RFC3: variants seen among roughly 807,000 people sequenced by gnomAD.
RFC3 encodes replication factor C subunit 3.
In RFC3, 41 loss-of-function variants were observed where a neutral mutation model predicts 45.1. The ratio of observed to expected loss-of-function variants is 0.91; its 90% CI spans 0.71 to 1.18. The LOEUF is 1.18. Ranked by LOEUF, RFC3 falls within the 50% of genes most tolerant of loss-of-function variation. RFC3 has a pLI of 0.00. For synonymous variants in RFC3, 149 were observed against 144.0 expected (o/e 1.03, Z -0.25); for missense variants, 423 against 428.1 (o/e 0.99, Z 0.10).
intron 8 of RFC3, among the ~76,000 whole-genome samples, chr13:33,874,582 G>T (rs571408954): frequency 2.6e-5 from 4 of 152,230 alleles, no homozygotes; most frequent in Admixed American, 2.6e-4. Flanking sequence ...GCCTCCCAAA[G>T]TTGTGGGATT....
intron 8 of RFC3, among the ~76,000 whole-genome samples, chr13:33,947,467 A>G (rs1047028680): frequency 5.9e-5 from 9 of 152,182 alleles, no homozygotes; most frequent in Non-Finnish European, 8.8e-5. Flanking sequence ...GAATGGACTA[A>G]TACAGTAAAT....
downstream of RFC3, among the ~76,000 whole-genome samples, chr13:33,968,761 A>G (rs12875223): frequency 0.14 from 21,840 of 152,096 alleles, 1,732 homozygotes; most frequent in East Asian, 0.23. Context: ...ATTCAGTGCA[A>G]CCCTTTCAGA....
intron 8 of RFC3, among the ~76,000 whole-genome samples, chr13:33,946,270 A>G (rs2082953956): frequency 1.3e-5 from 2 of 152,290 alleles, no homozygotes; most frequent in South Asian, 2.1e-4. Context: ...CTGTGATCCA[A>G]ACCAGCTCAA....
downstream of RFC3, among the ~76,000 whole-genome samples, chr13:33,838,092 A>T (rs111544014): frequency 7.2e-5 from 11 of 152,186 alleles, no homozygotes; most frequent in Non-Finnish European, 1.3e-4. Context: ...ATAATTATGC[A>T]TCTGTCTAAT....
At chr13:33,836,002 A>G in intron 8 of RFC3, 102 bp from the exon 9 acceptor site, 2 of 1,196,878 alleles carry the variant, frequency 1.7e-6, no homozygotes, top group Non-Finnish European at 2.3e-6. Context: ...CACACATATA[A>G]AGAGAGTATG....
At chr13:33,976,130 G>T in the RFC3 span, among the ~76,000 whole-genome samples, 1 of 152,160 alleles carries the variant, frequency 6.6e-6, no homozygotes, top group Admixed American at 6.6e-5. Flanking sequence ...AACTGAAAGG[G>T]TTCCCAGTGA....
chr13:33,842,291 A>C (rs1241405172), downstream of RFC3, among the ~76,000 whole-genome samples: 1 of 140,426 alleles, frequency 7.1e-6, no homozygotes, highest in Non-Finnish European at 1.5e-5. Context: ...CTGTCTCAGG[A>C]AAAAAAAAAA....
intron 8 of RFC3, among the ~76,000 whole-genome samples, chr13:33,936,887 C>T (rs2082889964): frequency 6.6e-6 from 1 of 152,038 alleles, no homozygotes; most frequent in African/African-American, 2.4e-5. Context: ...CTAGAAGAAA[C>T]CCTAGAAATT....
intron 8 of RFC3, among the ~76,000 whole-genome samples, chr13:33,899,566 G>T (rs899556153): frequency 3.3e-5 from 5 of 151,720 alleles, no homozygotes; most frequent in Admixed American, 6.6e-5. Context: ...CAAACCCACA[G>T]ATAACATTTT....
chr13:33,875,438 C>G lies in RFC3; in HGVS notation c.879+40221C>G, dbSNP rs200625607. ...GCAGAGGAGTGGCATGCCCAGAGACCCAGCAGGGAAAGCAAACTTGGTCCT... is the reference window on the plus strand; with the variant it reads ...GCAGAGGAGTGGCATGCCCAGAGACGCAGCAGGGAAAGCAAACTTGGTCCT... On this transcript the variant is annotated intron_variant, in intron 8 of 8. Transcript: ENST00000434425. 2.6e-5 allele frequency among the ~76,000 whole-genome samples: 4 copies of G among 152,180 alleles called. No homozygotes were observed. In the East Asian group the frequency reaches 7.7e-4, roughly 29 times the overall value.
At chr13:33,847,720 C>T (rs1566393291) in intron 8 of RFC3, 1 of 152,074 alleles carries the variant, frequency 6.6e-6, no homozygotes. Context: ...ATCTGGTTTT[C>T]CTTCTTATAA....
chr13:33,898,780 C>T (rs1219593956), intron 8 of RFC3, among the ~76,000 whole-genome samples: 11 of 151,466 alleles, frequency 7.3e-5, no homozygotes, highest in Non-Finnish European at 1.6e-4. Context: ...GAGAGAAAAT[C>T]CAGGTAAATA....
chr13:33,888,739 A>G (rs1311909681), intron 8 of RFC3, among the ~76,000 whole-genome samples: 1 of 150,858 alleles, frequency 6.6e-6, no homozygotes, highest in Non-Finnish European at 1.5e-5. Context: ...ATTTATTTTA[A>G]AGAAAATCTT....
At chr13:33,916,738 G>A (rs140509727) in intron 8 of RFC3, among the ~76,000 whole-genome samples, 257 of 152,160 alleles carry the variant, frequency 1.7e-3, no homozygotes, top group African/African-American at 6.1e-3. Flanking sequence ...ATACACATAG[G>A]TGTGTATGTG....
chr13:33,883,786 C>T (rs960707611), intron 8 of RFC3, among the ~76,000 whole-genome samples: 1 of 152,070 alleles, frequency 6.6e-6, no homozygotes, highest in African/African-American at 2.4e-5. Flanking sequence ...CCTTTCAGAG[C>T]GTGGAGAGTG....
At chr13:33,846,514 TCTC>T (rs1378301618) in intron 8 of RFC3, 2 of 151,964 alleles carry the variant, frequency 1.3e-5, no homozygotes, top group East Asian at 3.9e-4. Context: ...TTCCCTCCCC[TCTC>T]CTCAAGTGGA....
the RFC3 span, among the ~76,000 whole-genome samples, chr13:33,972,179 A>G: frequency 9.8e-5 from 15 of 152,330 alleles, no homozygotes; most frequent in African/African-American, 3.1e-4. Flanking sequence ...AACTTTTTCA[A>G]TTTGTTTTAT....
At chr13:33,974,422 G>C in the RFC3 span, among the ~76,000 whole-genome samples, 6 of 152,216 alleles carry the variant, frequency 3.9e-5, no homozygotes, top group Admixed American at 2.6e-4. Flanking sequence ...CCAGACTGCT[G>C]TTTTCTCTGC....
At chr13:33,918,669 A>C (rs1041234889) in intron 8 of RFC3, among the ~76,000 whole-genome samples, 2 of 152,116 alleles carry the variant, frequency 1.3e-5, no homozygotes, top group Non-Finnish European at 1.5e-5. Flanking sequence ...GCTGATGTAC[A>C]CAATTTGCCA....
Sources: gnomAD v4.1 joint callset for allele counts (sites outside exome capture counted in the v4.1 genomes callset) on GRCh38, gnomAD v4.1.1 for gene constraint, MANE v1.5 for transcripts, NCBI Gene and HGNC (gene_info 2026-07-23, HGNC 2026-07-21) for gene names.